The following SAP130 variants were observed in gnomAD, a reference collection of about 807,000 sequenced individuals.
SAP130 encodes Sin3A associated protein 130, also known as histone deacetylase complex subunit SAP130.
A neutral mutation model predicts 103.2 loss-of-function variants in SAP130; 16 were observed. The observed-to-expected ratio is 0.16, with a 90% confidence interval of 0.10 to 0.24. The LOEUF is 0.24. Among genes scored for constraint, SAP130 ranks in the 10% least tolerant of loss-of-function variants. The pLI, the probability that SAP130 is intolerant of heterozygous loss-of-function variation, is 1.00. For missense variants in SAP130, 990 were observed against 1,359.7 expected, an observed-to-expected ratio of 0.73 and a Z score of 4.28; for synonymous variants, 477 against 497.0, an observed-to-expected ratio of 0.96 and a Z score of 0.53.
chr2:128,021,916 G>A (rs1685188938), intron 2 of SAP130, among the ~76,000 whole-genome samples: 1 of 152,150 alleles, frequency 6.6e-6, no homozygotes, highest in Admixed American at 6.5e-5. Flanking sequence ...ATCTTCTTTA[G>A]TGAAGTGCAT....
In SAP130 at chr2:127,955,259, G is replaced by C; in HGVS notation, c.2149C>G (p.Gln717Glu). 1.2e-6 allele frequency: 2 copies of C among 1,613,946 alleles called. No homozygotes were observed. The highest frequency in any genetic ancestry group is 8.5e-7 in the Non-Finnish European group (1 of 1,179,924). The stretch of plus-strand genomic sequence containing the variant: ...GTTGGAGGGACGGCAATGGTAGGCT[G>C]ATCATTATTTTGATTGGATACAGTC... The part of the protein sequence containing the change: ...METVSNQNND[Q>E]PTIAVPPTAQ... The change falls in exon 16 of 21, where the codon CAG becomes GAG. Residue 717 changes from glutamine to glutamate, a missense_variant. Transcript: ENST00000643581. The surrounding 1 kb of genome is among the most constrained non-coding windows in gnomAD (Gnocchi z 4.9).
At chr2:127,997,029 T>G (rs1235182638) in intron 10 of SAP130, among the ~76,000 whole-genome samples, 1 of 152,222 alleles carries the variant, frequency 6.6e-6, no homozygotes, top group Non-Finnish European at 1.5e-5. Flanking sequence ...TAATTAGCAA[T>G]GAGAAAACGA....
At position 127,989,885 on chromosome 2, in the gene SAP130, G is replaced by A. The variant is rs766336062; in HGVS notation, c.1478-19C>T. The A allele has an allele frequency of 1.6e-5, 25 of 1,605,998 alleles. No homozygotes were observed. The highest frequency in any genetic ancestry group is 2.1e-5 in the Non-Finnish European group (25 of 1,174,812). ...GCTGAAACTAAAAATGATGCGAAAG[G>A]TAACTATAAGAAGGTTAGCTTCATT... On this transcript the variant is annotated intron_variant, in intron 12 of 20. Transcript: ENST00000643581. This position sits in a 1 kb window ranked among gnomAD's most constrained non-coding sequence, Gnocchi z 4.6.
At chr2:127,950,460 A>G (rs942602847) in intron 16 of SAP130, 52 bp from the exon 17 acceptor site, 1 of 1,598,696 alleles carries the variant, frequency 6.3e-7, no homozygotes, top group Non-Finnish European at 8.5e-7. Context: ...AGATAACAGA[A>G]AGTTTCACTT....
chr2:127,941,898 A>C lies in SAP130; in HGVS notation c.*108T>G. On this transcript the variant is annotated 3_prime_UTR_variant, in exon 21 of 21. Coordinates refer to ENST00000643581, the MANE Select transcript of SAP130 (RefSeq NM_001330301.2). Reference sequence around the variant, plus strand: ...CTCTGCTTTCACACGGGAACTAAGGAACACTTCCTTTATTTCAATGTTCCA... The same window carrying C: ...CTCTGCTTTCACACGGGAACTAAGGCACACTTCCTTTATTTCAATGTTCCA... The C allele has an allele frequency of 1.3e-5, 13 of 965,928 alleles. No homozygotes were observed. Among genetic ancestry groups the C allele is most frequent in the East Asian group, 2.5e-5 (1 of 40,034 alleles). 59.8% of individuals were successfully genotyped at this position (965,928 alleles called of 1,614,324 possible).
chr2:127,996,546 C>T lies in SAP130; in HGVS notation c.1214-55G>A. On this transcript the variant is annotated intron_variant, in intron 10 of 20. Transcript: ENST00000643581. This position sits in a 1 kb window ranked among gnomAD's most constrained non-coding sequence, Gnocchi z 4.3. ...CATTCTACACTTTTTTTTGGCATGC[C>T]AAAACATTCTTGGCTAGCAGCAATC... The T allele has an allele frequency of 7.2e-7, 1 of 1,393,242 alleles. No individual in the cohort carries two copies. Among genetic ancestry groups the T allele is most frequent in the South Asian group, 1.7e-5 (1 of 57,838 alleles). The allele number at this position is 1,393,242 out of a possible 1,614,324, so 86.3% of individuals were successfully genotyped here.
intron 15 of SAP130, among the ~76,000 whole-genome samples, chr2:127,962,891 A>C (rs781204597): frequency 1.1e-5 from 1 of 94,118 alleles, no homozygotes; most frequent in Non-Finnish European, 2.6e-5. Context: ...TAATAAAATT[A>C]AAAAAAAAAA....
intron 14 of SAP130, among the ~76,000 whole-genome samples, chr2:127,983,246 G>A (rs1682088249): frequency 1.3e-5 from 2 of 152,178 alleles, no homozygotes; most frequent in South Asian, 4.2e-4. Context: ...TGTGGCAAGC[G>A]CAACTCAGGA....
chr2:128,010,240 G>A (rs762980570), intron 7 of SAP130, 29 bp downstream of exon 7: 5 of 1,590,736 alleles, frequency 3.1e-6, no homozygotes, highest in Admixed American at 1.8e-5. Context: ...ATGGCAGGAA[G>A]GTTCAAACTT....
rs1219958269 is a variant in SAP130 at position 127,942,714 on chromosome 2, C to G, written c.2902-177G>C. On this transcript the variant is annotated intron_variant, in intron 19 of 20. Coordinates refer to ENST00000643581, the MANE Select transcript of SAP130 (RefSeq NM_001330301.2). This position sits in a 1 kb window ranked among gnomAD's most constrained non-coding sequence, Gnocchi z 4.8. ...GTTTAAAAACAGTAAAGGGGCTGGGCGCGGTGGCTCACGCCTATAATCCCA... is the reference window on the plus strand; with the variant it reads ...GTTTAAAAACAGTAAAGGGGCTGGGGGCGGTGGCTCACGCCTATAATCCCA... 6.6e-6 allele frequency among the ~76,000 whole-genome samples: 1 copy of G among 152,178 alleles called. No individual in the cohort carries two copies. Among genetic ancestry groups the G allele is most frequent in the Non-Finnish European group, 1.5e-5 (1 of 68,042 alleles).
intron 13 of SAP130, among the ~76,000 whole-genome samples, chr2:127,988,198 G>C (rs1030814132): frequency 2.6e-5 from 4 of 152,188 alleles, no homozygotes; most frequent in African/African-American, 9.6e-5. Context: ...CAAGGCTGAA[G>C]GATAGCTTGA....
intron 14 of SAP130, among the ~76,000 whole-genome samples, chr2:127,982,458 AGCT>A (rs1451555834): frequency 6.6e-6 from 1 of 152,226 alleles, no homozygotes; most frequent in Non-Finnish European, 1.5e-5. Context: ...TAGATGTGAT[AGCT>A]GCAGACTGTG....
chr2:128,011,988 C>T (rs2105175335), intron 6 of SAP130, among the ~76,000 whole-genome samples: 1 of 152,168 alleles, frequency 6.6e-6, no homozygotes, highest in East Asian at 1.9e-4. Context: ...AATTTTTTGG[C>T]ATTTTAGTAG....
At chr2:128,007,036 C>G (rs530995332) in intron 7 of SAP130, among the ~76,000 whole-genome samples, 46 of 152,148 alleles carry the variant, frequency 3.0e-4, no homozygotes, top group African/African-American at 1.1e-3. Context: ...ATGCATTCAA[C>G]AAAATTCAAT....
intron 15 of SAP130, among the ~76,000 whole-genome samples, chr2:127,975,448 T>A (rs546371557): frequency 6.6e-6 from 1 of 152,272 alleles, no homozygotes; most frequent in South Asian, 2.1e-4. Context: ...AAAAGTCTAG[T>A]GAATATAAAA....
chr2:127,960,738 T>C (rs1442600531), intron 15 of SAP130, among the ~76,000 whole-genome samples: 5 of 152,142 alleles, frequency 3.3e-5, no homozygotes, highest in South Asian at 4.1e-4. Context: ...ACAATACCAC[T>C]ATATCTCAGC....
intron 2 of SAP130, among the ~76,000 whole-genome samples, chr2:128,025,778 A>C (rs1279191026): frequency 6.6e-6 from 1 of 152,160 alleles, no homozygotes; most frequent in Non-Finnish European, 1.5e-5. Flanking sequence ...ACAATCCCCC[A>C]CAGACACCAT....
At chr2:128,027,110 G>T in intron 1 of SAP130, 1 of 1,406,986 alleles carries the variant, frequency 7.1e-7, no homozygotes. Context: ...GCCGCCCGCC[G>T]CCCGCACCGC....
chr2:127,952,094 T>C (rs981036110), intron 16 of SAP130, among the ~76,000 whole-genome samples: 1 of 152,176 alleles, frequency 6.6e-6, no homozygotes, highest in African/African-American at 2.4e-5. Context: ...TCCTGCATCA[T>C]CAATTCTTCT....
Sources: allele counts gnomAD v4.1 joint callset (sites outside exome capture counted in the v4.1 genomes callset), GRCh38; gene constraint gnomAD v4.1.1; non-coding constraint Gnocchi (gnomAD v3.1); transcripts MANE v1.5; gene names NCBI Gene and HGNC (gene_info 2026-07-23, HGNC 2026-07-21).